The following IPO11 variants were observed in gnomAD, a reference collection of about 807,000 sequenced individuals.
The protein encoded by IPO11 is importin 11, also known as importin-11.
A neutral mutation model predicts 143.2 loss-of-function variants in IPO11; 66 were observed. The ratio of observed to expected loss-of-function variants is 0.46; its 90% CI spans 0.38 to 0.57. The LOEUF (loss-of-function observed/expected upper bound fraction) is 0.57. Among genes scored for constraint, IPO11 ranks in the 20% least tolerant of loss-of-function variants. IPO11 has a pLI of 0.00. For synonymous variants in IPO11, 385 were observed against 377.8 expected (o/e 1.02, Z -0.22); for missense variants, 1,026 against 1,141.0 (o/e 0.90, Z 1.45).
At chr5:62,582,699 A>G (rs1161822668) in intron 27 of IPO11, among the ~76,000 whole-genome samples, 1 of 152,186 alleles carries the variant, frequency 6.6e-6, no homozygotes, top group African/African-American at 2.4e-5. Flanking sequence ...TCCCTAGGAG[A>G]TATTAGTGCC....
intron 9 of IPO11, 94 bp from the exon 10 acceptor site, chr5:62,483,007 A>G: frequency 2.4e-6 from 2 of 821,304 alleles, no homozygotes; most frequent in Non-Finnish European, 3.8e-6. Flanking sequence ...AAACTGCTAA[A>G]TGATTATTAG....
chr5:62,589,450 AGAT>A (rs1744931292), intron 27 of IPO11, among the ~76,000 whole-genome samples: 1 of 152,164 alleles, frequency 6.6e-6, no homozygotes, highest in Non-Finnish European at 1.5e-5. Context: ...CACCCACCCA[AGAT>A]GAAACCCAAC....
At chr5:62,550,271 C>T in intron 24 of IPO11, 96 bp from the exon 25 acceptor site, 1 of 868,798 alleles carries the variant, frequency 1.2e-6, no homozygotes, top group South Asian at 1.6e-5. Flanking sequence ...TAAATTTGGT[C>T]TGTGATACTT....
chr5:62,484,498 T>C (rs1055880560), intron 11 of IPO11, among the ~76,000 whole-genome samples: 3 of 152,104 alleles, frequency 2.0e-5, no homozygotes, highest in Non-Finnish European at 2.9e-5. Context: ...TTCCATGTTA[T>C]TTTTTATTTG....
intron 22 of IPO11, among the ~76,000 whole-genome samples, chr5:62,534,470 T>G (rs1742668960): frequency 6.6e-6 from 1 of 152,242 alleles, no homozygotes; most frequent in East Asian, 1.9e-4. Flanking sequence ...AAATTAAATA[T>G]AGGAGCAAAA....
At position 62,429,587 on chromosome 5, in the gene IPO11, C is replaced by CGTGTGTGTGTGT. The variant is rs56185914; in HGVS notation, c.-6-7658_-6-7647dup. On this transcript the variant is annotated intron_variant, in intron 1 of 29. Transcript: ENST00000325324. ...CACACCACCATGCCCGTCTGATTTT[C>CGTGTGTGTGTGT]GTGTGTGTGTGTGTGTGTGTGTGTG... 3.5e-3 allele frequency among the ~76,000 whole-genome samples: 453 copies of CGTGTGTGTGTGT among 128,560 alleles called. 4 individuals are homozygous for CGTGTGTGTGTGT. The highest frequency in any genetic ancestry group is 0.011 in the African/African-American group (394 of 34,342). 84.3% of individuals were successfully genotyped at this position (128,560 alleles called of 152,430 possible).
At chr5:62,542,762 T>A (rs1264869848) in intron 24 of IPO11, among the ~76,000 whole-genome samples, 1 of 152,174 alleles carries the variant, frequency 6.6e-6, no homozygotes, top group Non-Finnish European at 1.5e-5. Flanking sequence ...ATACTCTAAA[T>A]TGTTAACATT....
At chr5:62,561,290 T>A in intron 27 of IPO11, 33 bp downstream of exon 27, 1 of 1,200,012 alleles carries the variant, frequency 8.3e-7, no homozygotes. Context: ...TTTGTTTCTT[T>A]CAAGCATCAA....
chr5:62,485,351 G>T (rs529312987), intron 11 of IPO11, 68 bp from the exon 12 acceptor site: 1 of 1,226,282 alleles, frequency 8.2e-7, no homozygotes, highest in Non-Finnish European at 1.2e-6. Context: ...TTATACTGAT[G>T]TTATTAAAAT....
intron 25 of IPO11, 45 bp from the exon 26 acceptor site, chr5:62,551,178 T>A: frequency 5.7e-6 from 6 of 1,055,360 alleles, no homozygotes; most frequent in Non-Finnish European, 8.7e-6. Context: ...TGTTTTTACT[T>A]GTACCATAAC....
Position 62,483,235 on chromosome 5 carries a change from G to T in IPO11, c.963G>T (p.Met321Ile). Residue 321 changes from methionine (M) to isoleucine (I), a missense_variant, in exon 10 of 30, where the codon ATG (methionine) becomes ATT (isoleucine). Transcript: ENST00000325324. ...VTFERFIVQC[M>I]NLIKMIVKNY... ...TTGAACGATTCATTGTCCAATGTATGAATCTTATTAAGATGATTGTCAAAA... is the reference window on the plus strand; with the variant it reads ...TTGAACGATTCATTGTCCAATGTATTAATCTTATTAAGATGATTGTCAAAA... The T allele has an allele frequency of 6.2e-7, 1 of 1,610,308 alleles. No homozygotes were observed.
chr5:62,564,600 G>T (rs1357336152), intron 27 of IPO11, among the ~76,000 whole-genome samples: 1 of 152,016 alleles, frequency 6.6e-6, no homozygotes, highest in Admixed American at 6.5e-5. Context: ...TTGTGGGAGG[G>T]TGTCCTGTGC....
At chr5:62,577,522 T>A (rs925740064) in intron 27 of IPO11, among the ~76,000 whole-genome samples, 1 of 152,134 alleles carries the variant, frequency 6.6e-6, no homozygotes, top group Non-Finnish European at 1.5e-5. Context: ...TCATATCACC[T>A]TGTATATTAT....
chr5:62,484,818 T>C (rs924614653), intron 11 of IPO11, among the ~76,000 whole-genome samples: 6 of 152,012 alleles, frequency 3.9e-5, no homozygotes, highest in African/African-American at 1.2e-4. Context: ...GTAATACTTA[T>C]CTTCGCCATG....
rs754476276 is a variant in IPO11 at position 62,467,312 on chromosome 5, C to G, written c.649+49C>G. On this transcript the variant is annotated intron_variant, in intron 6 of 29. Transcript: ENST00000325324. Reference sequence around the variant, plus strand: ...ATTTTTGAAATGAGATACCTCAGAACAGTCACCAAATAGTTCCTTTAGACG... The same window carrying G: ...ATTTTTGAAATGAGATACCTCAGAAGAGTCACCAAATAGTTCCTTTAGACG... 12 of 1,560,826 alleles carry G rather than the reference C, an allele frequency of 7.7e-6. No individual in the cohort carries two copies. The Admixed American group carries it at 2.3e-4, about 30-fold the overall frequency.
chr5:62,575,540 T>C (rs943061049), intron 27 of IPO11, among the ~76,000 whole-genome samples: 1 of 152,132 alleles, frequency 6.6e-6, no homozygotes, highest in Non-Finnish European at 1.5e-5. Flanking sequence ...ATCTTTCCAA[T>C]TGCCTCTCTG....
intron 22 of IPO11, among the ~76,000 whole-genome samples, chr5:62,534,045 A>C (rs2112319109): frequency 6.6e-6 from 1 of 152,302 alleles, no homozygotes; most frequent in East Asian, 1.9e-4. Context: ...TGTTTAAGTT[A>C]ATGGTTTTTT....
chr5:62,498,052 A>G (rs932370773), intron 16 of IPO11, among the ~76,000 whole-genome samples: 9 of 152,016 alleles, frequency 5.9e-5, no homozygotes, highest in African/African-American at 2.2e-4. Context: ...TGTTTCTTAA[A>G]CAACAGCTTT....
chr5:62,614,709 C>CGT (rs151288424), intron 29 of IPO11, among the ~76,000 whole-genome samples: 21,428 of 151,352 alleles, frequency 0.14, 1,915 homozygotes, highest in African/African-American at 0.26. Flanking sequence ...CCCAAGTGTG[C>CGT]GTGTGTGTGT....
Sources: allele counts gnomAD v4.1 joint callset (sites outside exome capture counted in the v4.1 genomes callset), GRCh38; gene constraint gnomAD v4.1.1; transcripts MANE v1.5; gene names NCBI Gene and HGNC (gene_info 2026-07-23, HGNC 2026-07-21).